The following PRAMEF20 variants were observed in gnomAD, a reference collection of about 807,000 sequenced individuals.
PRAMEF20 encodes the protein PRAME family member 20/21.
In PRAMEF20, 27 loss-of-function variants were observed where a neutral mutation model predicts 32.4. The ratio of observed to expected loss-of-function variants is 0.83; its 90% confidence interval spans 0.61 to 1.15. The LOEUF (loss-of-function observed/expected upper bound fraction) is 1.15, where lower values mean the gene tolerates loss of function less well. Among genes scored for constraint, PRAMEF20 ranks in the 50% most tolerant of loss-of-function variants. PRAMEF20 has a pLI of 0.00. For missense variants in PRAMEF20, 604 were observed against 584.5 expected (o/e 1.03, Z -0.34); for synonymous variants, 256 against 235.4 (o/e 1.09, Z -0.80).
rs1641208347 is a variant in PRAMEF20, at chr1:13,418,557, CAT to C, written c.725_726del (p.Ile242ArgfsTer60). On this transcript the variant is annotated frameshift_variant, in exon 2 of 3. Transcript: ENST00000602960. LOFTEE classifies it high-confidence loss of function. ...ATCTTCGGAAGCTCGTTCTCTCTGA[CAT>C]AGATTCTCGCTACATTTCCCCAGAG... 2 of 1,613,852 alleles carry C rather than the reference CAT, an allele frequency of 1.2e-6. No homozygotes were observed.
intron 1 of PRAMEF20, 133 bp downstream of exon 2, chr1:13,416,774 G>A: frequency 3.2e-6 from 5 of 1,554,468 alleles, no homozygotes; most frequent in East Asian, 2.4e-5. Flanking sequence ...GCTTAGAGAG[G>A]CCTTGGCCAT....
the PRAMEF20 span, among the ~76,000 whole-genome samples, chr1:13,411,085 T>G: frequency 6.6e-6 from 1 of 152,166 alleles, no homozygotes; most frequent in Non-Finnish European, 1.5e-5. Flanking sequence ...CTCGAACTCC[T>G]GACCTCAAGT....
rs1275843024 is a variant in PRAMEF20, at chr1:13,417,734, C to CT, written c.288-371dup. 3.4e-3 allele frequency among the ~76,000 whole-genome samples: 429 copies of CT among 125,558 alleles called. 7 individuals carry two copies. The highest frequency in any genetic ancestry group is 0.027 in the South Asian group (99 of 3,618). 82.4% of individuals were successfully genotyped at this position (125,558 alleles called of 152,430 possible). A position where few individuals can be genotyped will look rare whatever the true frequency, so the allele number is the denominator to read the frequency against. On this transcript the variant is annotated intron_variant, in intron 1 of 2. Transcript: ENST00000602960. ...TGAAGTATAAGTTCAGAAGTGAGTC[C>CT]TTTTTTTTTTTTTTTTTCTGAGACG...
At chr1:13,413,170 ATATAT>A (rs1327474448), upstream of PRAMEF20, among the ~76,000 whole-genome samples, 379 of 152,316 alleles carry the variant, frequency 2.5e-3, 1 homozygote, top group African/African-American at 8.8e-3. Flanking sequence ...TAGGAAGGAC[ATATAT>A]TAGTAAAATT....
chr1:13,418,532 A>G, exon 2 of PRAMEF20: 1 of 1,613,942 alleles, frequency 6.2e-7, no homozygotes, highest in Non-Finnish European at 8.5e-7. Flanking sequence ...CAGATGAGGA[A>G]TCTTCGGAAG....
exon 1 of PRAMEF20, chr1:13,416,387 G>A: frequency 6.2e-7 from 1 of 1,613,386 alleles, no homozygotes; most frequent in South Asian, 1.1e-5. Flanking sequence ...GACTCCTGGA[G>A]CTGGCGGGGC....
At chr1:13,416,291 G>T (rs1641168716), upstream of PRAMEF20, 1 of 1,611,714 alleles carries the variant, frequency 6.2e-7, no homozygotes, top group African/African-American at 1.3e-5. Context: ...CATGGGCTTG[G>T]CCTGAGAGTG....
In PRAMEF20 at chr1:13,417,910, TTGTGTGTGTG is replaced by T. The variant is rs71272484; in HGVS notation, c.288-178_288-169del. ...GCGCCCGCCACCACGCCCGGCTAAT[TTGTGTGTGTG>T]TGTGTGTGTGTGTGTGTGTGTGTGT... On this transcript the variant is annotated intron_variant, in intron 1 of 2. Coordinates refer to ENST00000602960, the Ensembl canonical transcript of PRAMEF20. 4.0e-3 allele frequency among the ~76,000 whole-genome samples: 491 copies of T among 124,296 alleles called. 2 individuals carry two copies. The highest frequency in any genetic ancestry group is 5.8e-3 in the Non-Finnish European group (340 of 59,068). The allele number at this position is 124,296 out of a possible 152,430, so 81.5% of individuals were successfully genotyped here. A position where few individuals can be genotyped will look rare whatever the true frequency, so the allele number is the denominator to read the frequency against.
chr1:13,421,081 G>A, exon 3 of PRAMEF20: 1 of 1,613,926 alleles, frequency 6.2e-7, no homozygotes, highest in Non-Finnish European at 8.5e-7. Flanking sequence ...CCCCGCGGGA[G>A]AGTTATGATG....
rs1313811246 is a variant in PRAMEF20 at position 13,420,695 on chromosome 1, A to G, written c.867-2A>G. On this transcript the variant is annotated splice_acceptor_variant, in intron 2 of 2. Transcript: ENST00000602960. LOFTEE classifies it high-confidence loss of function. ...AACTAACTTCCTGCTCTCTCTCCCC[A>G]GCTGTCTAAAGACCTCGTTAAACAT... 4 of 1,613,652 alleles carry G rather than the reference A, an allele frequency of 2.5e-6. No individual in the cohort carries two copies. The highest frequency in any genetic ancestry group is 3.4e-6 in the Non-Finnish European group (4 of 1,179,826).
chr1:13,418,523 A>G, exon 2 of PRAMEF20: 1 of 1,614,010 alleles, frequency 6.2e-7, no homozygotes, highest in South Asian at 1.1e-5. Flanking sequence ...TACCTCGGCC[A>G]GATGAGGAAT....
At chr1:13,416,555 G>A (rs761392930) in exon 1 of PRAMEF20, 1 of 1,614,140 alleles carries the variant, frequency 6.2e-7, no homozygotes, top group Admixed American at 1.7e-5. Context: ...TTCCTCTGGG[G>A]TCTCTGATGA....
chr1:13,420,846 C>A lies in PRAMEF20; in HGVS notation c.1016C>A (p.Pro339Gln), dbSNP rs1305221567. 6.2e-6 allele frequency: 10 copies of A among 1,613,770 alleles called. No homozygotes were observed. In the African/African-American group the frequency reaches 1.2e-4, roughly 19 times the overall value. The change falls in exon 3 of 3, where the codon CCG (proline) becomes CAG (glutamine). Residue 339 changes from proline to glutamine, a missense_variant. Pro to Gln is a moderately conservative substitution (Grantham distance 76, BLOSUM62 -1). Transcript: ENST00000602960. ...AGACTGGCCAATTTCAGCCTTGTGC[C>A]GCTCCAAGTTCTCCTAGAAAAAGTT...
chr1:13,416,467 C>T, exon 1 of PRAMEF20: 1 of 1,614,060 alleles, frequency 6.2e-7, no homozygotes, highest in Non-Finnish European at 8.5e-7. Context: ...CTTTTTCCCC[C>T]ATTGTTCATG....
the PRAMEF20 span, among the ~76,000 whole-genome samples, chr1:13,410,783 T>C: frequency 0.67 from 101,216 of 151,140 alleles, 34,218 homozygotes; most frequent in South Asian, 0.77. Context: ...CTCTCGGAGG[T>C]CAATGTGGGA....
At chr1:13,421,217 A>C in exon 3 of PRAMEF20, 1 of 1,613,964 alleles carries the variant, frequency 6.2e-7, no homozygotes, top group Non-Finnish European at 8.5e-7. Context: ...GTGTGGCAAC[A>C]GGTCACTTTA....
chr1:13,413,091 C>A (rs1347711059), upstream of PRAMEF20, among the ~76,000 whole-genome samples: 2 of 152,208 alleles, frequency 1.3e-5, no homozygotes, highest in South Asian at 4.1e-4. Flanking sequence ...AACAAAGATA[C>A]TTTCAAGTTT....
chr1:13,414,191 G>A (rs1212749280), upstream of PRAMEF20, among the ~76,000 whole-genome samples: 4 of 146,692 alleles, frequency 2.7e-5, no homozygotes, highest in African/African-American at 7.6e-5. Flanking sequence ...ACAGGCACCC[G>A]CCATCACACC....
At position 13,418,367 on chromosome 1, in the gene PRAMEF20, TAC is replaced by T; in HGVS notation, c.536_537del (p.His179ProfsTer4). On this transcript the variant is annotated frameshift_variant, in exon 2 of 3. Transcript: ENST00000602960. LOFTEE classifies it high-confidence loss of function. Reference sequence around the variant, plus strand: ...TGGGTCAAGCAGAGGGAAGGTTTAGTACACCTGTGCTGTAAGAAGCTGAAAAT... The same window carrying T: ...TGGGTCAAGCAGAGGGAAGGTTTAGTACCTGTGCTGTAAGAAGCTGAAAAT... The T allele has an allele frequency of 6.2e-7, 1 of 1,613,902 alleles. No homozygotes were observed. Among genetic ancestry groups the T allele is most frequent in the South Asian group, 1.1e-5 (1 of 91,070 alleles).
Sources: allele counts gnomAD v4.1 joint callset (sites outside exome capture counted in the v4.1 genomes callset), GRCh38; gene constraint gnomAD v4.1.1; transcripts MANE v1.5; gene names NCBI Gene and HGNC (gene_info 2026-07-23, HGNC 2026-07-21).